PGC: variants seen among roughly 807,000 people sequenced by gnomAD.
The protein encoded by PGC is progastricsin, also known as gastricsin.
Under a neutral mutation model 45.9 loss-of-function variants are expected in PGC, and 31 were observed. That is an observed-to-expected ratio of 0.67 (90% CI 0.51 to 0.91). The LOEUF (loss-of-function observed/expected upper bound fraction) is 0.91, where lower values mean the gene tolerates loss of function less well. PGC is among the 40% of genes least tolerant of loss of function. The pLI is 0.00. For missense variants in PGC, 477 were observed against 493.2 expected, an observed-to-expected ratio of 0.97 and a Z score of 0.31; for synonymous variants, 192 against 201.8, an observed-to-expected ratio of 0.95 and a Z score of 0.41.
intron 4 of PGC, 50 bp from the exon 5 acceptor site, chr6:41,742,539 T>A: frequency 7.3e-7 from 1 of 1,376,458 alleles, no homozygotes; most frequent in East Asian, 2.3e-5. Context: ...TCCACTCACC[T>A]CCTCCAGGTT....
At chr6:41,737,043 A>G (rs937064746) in intron 8 of PGC, 39 bp from the exon 9 acceptor site, 1 of 1,587,164 alleles carries the variant, frequency 6.3e-7, no homozygotes, top group African/African-American at 1.3e-5. Flanking sequence ...TCATTTGTCC[A>G]CACATGAGCT....
chr6:41,737,047 A>G (rs758900466), intron 8 of PGC, 43 bp from the exon 9 acceptor site: 6 of 1,578,236 alleles, frequency 3.8e-6, no homozygotes, highest in Non-Finnish European at 5.2e-6. Context: ...TTGTCCACAC[A>G]TGAGCTGGGC....
At chr6:41,746,030 C>T (rs112024728) in intron 1 of PGC, among the ~76,000 whole-genome samples, 1,751 of 151,902 alleles carry the variant, frequency 0.012, 16 homozygotes, top group Non-Finnish European at 0.02. Flanking sequence ...GGCATGGTGG[C>T]GCATGCCTGT....
rs1771793332 is a variant in PGC, at chr6:41,740,050, G to T, written c.768-104C>A. ...GACAAAGAGCTACAGCTACTTTCTT[G>T]AGGAAAGTGAGGACCCTGCAAAGAT... On this transcript the variant is annotated intron_variant, in intron 6 of 8. Transcript: ENST00000373025. 4.3e-6 allele frequency: 4 copies of T among 922,992 alleles called. No individual in the cohort carries two copies. In the Admixed American group the frequency reaches 9.9e-5, roughly 23 times the overall value. 57.2% of individuals were successfully genotyped at this position (922,992 alleles called of 1,614,324 possible).
Position 41,744,836 on chromosome 6 carries a change from G to A in PGC, c.60-28C>T. 6.2e-7 allele frequency: 1 copy of A among 1,602,928 alleles called. No homozygotes were observed. Among genetic ancestry groups the A allele is most frequent in the Non-Finnish European group, 8.5e-7 (1 of 1,173,198 alleles). ...ACAGAAAGGTTGCATATGAGGCAAGGCCCTCCCTCCTTCCTCTCTTCCCAC... is the reference window on the plus strand; with the variant it reads ...ACAGAAAGGTTGCATATGAGGCAAGACCCTCCCTCCTTCCTCTCTTCCCAC... On this transcript the variant is annotated intron_variant, in intron 1 of 8. Coordinates refer to ENST00000373025, the MANE Select transcript of PGC (RefSeq NM_002630.4). This position sits in a 1 kb window ranked among gnomAD's most constrained non-coding sequence, Gnocchi z 4.4.
intron 7 of PGC, among the ~76,000 whole-genome samples, 179 bp downstream of exon 7, chr6:41,739,620 T>C (rs1199727292): frequency 6.6e-6 from 1 of 152,206 alleles, no homozygotes; most frequent in African/African-American, 2.4e-5. Flanking sequence ...AGTCTCGCCA[T>C]GTTGCCCAGG....
intron 1 of PGC, among the ~76,000 whole-genome samples, chr6:41,745,346 C>A (rs1771911952): frequency 6.6e-6 from 1 of 151,976 alleles, no homozygotes; most frequent in Non-Finnish European, 1.5e-5. Context: ...TCAGAAAATT[C>A]TCCTGCCTCA....
At position 41,744,330 on chromosome 6, in the gene PGC, G is replaced by A. The variant is rs2127292078; in HGVS notation, c.328+67C>T. On this transcript the variant is annotated intron_variant, in intron 3 of 8. Coordinates refer to ENST00000373025, the MANE Select transcript of PGC (RefSeq NM_002630.4). The surrounding 1 kb of genome is among the most constrained non-coding windows in gnomAD (Gnocchi z 4.4). ...GTCCTGAGCTCCCTCTGGAAGTTTG[G>A]CCCTCCCCAGAGGGTATCAGTGCCT... The A allele has an allele frequency of 5.3e-6, 6 of 1,122,632 alleles. No individual in the cohort carries two copies. Among genetic ancestry groups the A allele is most frequent in the African/African-American group, 1.5e-5 (1 of 64,534 alleles). 69.5% of individuals were successfully genotyped at this position (1,122,632 alleles called of 1,614,324 possible).
chr6:41,742,560 C>A (rs1217624954), intron 4 of PGC, 71 bp from the exon 5 acceptor site: 6 of 1,094,790 alleles, frequency 5.5e-6, no homozygotes, highest in Non-Finnish European at 7.0e-6. Flanking sequence ...CCCCTAGAGA[C>A]TCCTCAAGCC....
At chr6:41,740,438 G>A in intron 6 of PGC, 53 bp downstream of exon 6, 6 of 1,565,808 alleles carry the variant, frequency 3.8e-6, no homozygotes, top group Non-Finnish European at 5.2e-6. Context: ...GACATGGCCT[G>A]GAAGCCCACT....
chr6:41,737,820 C>T lies in PGC; in HGVS notation c.924G>A (p.Val308=), dbSNP rs775030351. 3 of 1,604,248 alleles carry T rather than the reference C, an allele frequency of 1.9e-6. No individual in the cohort carries two copies. The South Asian group carries it at 3.3e-5, about 18-fold the overall frequency. Residue 308 remains valine (V), a synonymous_variant, in exon 8 of 9, where the codon GTG becomes GTA. Coordinates refer to ENST00000373025, the MANE Select transcript of PGC (RefSeq NM_002630.4). ...GCAGATTCTGAATGCTGTTACAGTT[C>T]ACGAGAAACTGCAAGAGGAATAGGT... ...AQEDEYGQFL[V]NCNSIQNLPS...
At chr6:41,741,624 T>A (rs1362177984) in intron 5 of PGC, among the ~76,000 whole-genome samples, 3 of 152,036 alleles carry the variant, frequency 2.0e-5, no homozygotes, top group Admixed American at 6.5e-5. Flanking sequence ...CCAGACCGGG[T>A]GACAGAGTGA....
In PGC at chr6:41,744,680, TAGGTCACGCTG is replaced by T; in HGVS notation, c.177_187del (p.Ser60ArgfsTer13). On this transcript the variant is annotated frameshift_variant, in exon 2 of 9. Coordinates refer to ENST00000373025, the MANE Select transcript of PGC (RefSeq NM_002630.4). LOFTEE classifies it high-confidence loss of function. This position sits in a 1 kb window ranked among gnomAD's most constrained non-coding sequence, Gnocchi z 4.4. ...CACATCCATGTAGGCCATGGGCTCG[TAGGTCACGCTG>T]AGGTCACCAAAGCGGTACTTCCAAG... 6.2e-7 allele frequency: 1 copy of T among 1,614,146 alleles called. No individual in the cohort carries two copies. Among genetic ancestry groups the T allele is most frequent in the Non-Finnish European group, 8.5e-7 (1 of 1,180,020 alleles).
chr6:41,740,523 G>C lies in PGC; in HGVS notation c.735C>G (p.Thr245=), dbSNP rs778753042. 1 of 1,611,034 alleles carries C rather than the reference G, an allele frequency of 6.2e-7. No homozygotes were observed. The highest frequency in any genetic ancestry group is 1.7e-5 in the Admixed American group (1 of 59,734). The stretch of plus-strand genomic sequence containing the variant: ...TGCCAATCTGCCAGTAGAGTTCCTG[G>C]GTGACAGGCGCCCAGTAGATCTGCC... ...YTGQIYWAPV[T]QELYWQIGIE... is the part of the protein sequence containing the mutation. Residue 245 remains threonine (T), a synonymous_variant, in exon 6 of 9, where the codon ACC becomes ACG. Transcript: ENST00000373025.
At chr6:41,743,231 T>G (rs765589522) in intron 4 of PGC, 40 bp downstream of exon 4, 2 of 1,207,986 alleles carry the variant, frequency 1.7e-6, no homozygotes. Flanking sequence ...CTCCAGCTTA[T>G]AGCTCACAGC....
At chr6:41,742,514 G>C (rs1393115617) in intron 4 of PGC, 25 bp from the exon 5 acceptor site, 8 of 1,600,844 alleles carry the variant, frequency 5.0e-6, no homozygotes, top group Non-Finnish European at 6.8e-6. Flanking sequence ...AACGAGGGGA[G>C]GTGACCAGTC....
chr6:41,738,215 C>CATATAT (rs1278416133), intron 7 of PGC, among the ~76,000 whole-genome samples: 9 of 13,684 alleles, frequency 6.6e-4, no homozygotes, highest in African/African-American at 1.5e-3. Context: ...TATATATATG[C>CATATAT]ATATATATAT....
At chr6:41,746,768 C>G (rs1386003297) in intron 1 of PGC, among the ~76,000 whole-genome samples, 1 of 152,226 alleles carries the variant, frequency 6.6e-6, no homozygotes, top group African/African-American at 2.4e-5. Flanking sequence ...GGGCGCCTTC[C>G]TGATGGCCTG....
chr6:41,743,220 C>G (rs753877510), intron 4 of PGC, 51 bp downstream of exon 4: 2 of 1,083,934 alleles, frequency 1.8e-6, no homozygotes, highest in South Asian at 1.2e-5. Context: ...CTAACTGTCC[C>G]CTCCAGCTTA....
Sources: allele counts gnomAD v4.1 joint callset (sites outside exome capture counted in the v4.1 genomes callset), GRCh38; gene constraint gnomAD v4.1.1; non-coding constraint Gnocchi (gnomAD v3.1); transcripts MANE v1.5; gene names NCBI Gene and HGNC (gene_info 2026-07-23, HGNC 2026-07-21).